Variants in CACNB2 observed in about 807,000 individuals in gnomAD.
The protein encoded by CACNB2 is calcium voltage-gated channel auxiliary subunit beta 2, also known as voltage-dependent L-type calcium channel subunit beta-2.
In CACNB2, 42 loss-of-function variants were observed where a neutral mutation model predicts 73.3. The observed-to-expected ratio is 0.57, with a 90% confidence interval of 0.45 to 0.74. The LOEUF is 0.74. CACNB2 is among the 30% of genes least tolerant of loss of function. CACNB2 has a pLI of 0.00. For missense variants in CACNB2, 940 were observed against 853.0 expected, an observed-to-expected ratio of 1.10 and a Z score of -1.27; for synonymous variants, 348 against 310.3, an observed-to-expected ratio of 1.12 and a Z score of -1.28.
intron 12 of CACNB2, among the ~76,000 whole-genome samples, chr10:18,537,006 G>A (rs2053668994): frequency 6.6e-6 from 1 of 152,026 alleles, no homozygotes; most frequent in Non-Finnish European, 1.5e-5. Context: ...AGTTTTGGAG[G>A]CAGGGTCTTG....
intron 3 of CACNB2, among the ~76,000 whole-genome samples, chr10:18,481,217 TATATATATATATA>T (rs1218551080): frequency 7.4e-4 from 10 of 13,492 alleles, no homozygotes; most frequent in African/African-American, 2.1e-3. Flanking sequence ...TATATATATA[TATATATATATATA>T]TTTTTTTTTT....
chr10:18,211,823 T>G (rs2035328305), intron 2 of CACNB2, among the ~76,000 whole-genome samples: 1 of 151,724 alleles, frequency 6.6e-6, no homozygotes, highest in Non-Finnish European at 1.5e-5. Context: ...CACAATTCAC[T>G]TATCACATTT....
At chr10:18,178,376 T>C (rs1206089792) in intron 2 of CACNB2, among the ~76,000 whole-genome samples, 2 of 152,208 alleles carry the variant, frequency 1.3e-5, no homozygotes. Context: ...TCAGATTCCT[T>C]CTCATTCAAG....
Position 18,378,123 on chromosome 10 carries a change from A to C in CACNB2, c.214-23801A>C, listed in dbSNP as rs1451566713. Among the ~76,000 whole-genome samples the C allele has an allele frequency of 2.0e-5, 3 of 152,142 alleles. No individual in the cohort carries two copies. The East Asian group carries it at 5.8e-4, about 29-fold the overall frequency. ...TGGGGTGTGGGCCTGGAGGCTAGGA[A>C]ACCTGAGAGGTTGAATTACAGGGAC... is the stretch of plus-strand genomic sequence containing the variant. On this transcript the variant is annotated intron_variant, in intron 2 of 13. Coordinates refer to ENST00000324631, the MANE Select transcript of CACNB2 (RefSeq NM_201596.3).
intron 2 of CACNB2, among the ~76,000 whole-genome samples, chr10:18,258,887 A>G (rs1240958008): frequency 8.7e-6 from 1 of 114,596 alleles, no homozygotes; most frequent in Non-Finnish European, 1.8e-5. Context: ...GAAAATGGTG[A>G]GGGATTTTTT....
At chr10:18,437,469 G>T (rs547354185) in intron 3 of CACNB2, among the ~76,000 whole-genome samples, 2 of 152,156 alleles carry the variant, frequency 1.3e-5, no homozygotes, top group African/African-American at 2.4e-5. Context: ...CACATATTTT[G>T]TGTGTTATAT....
intron 2 of CACNB2, among the ~76,000 whole-genome samples, chr10:18,283,789 G>T (rs2038666095): frequency 6.6e-6 from 1 of 152,088 alleles, no homozygotes; most frequent in Non-Finnish European, 1.5e-5. Context: ...TGCACATTGT[G>T]CACATGTACC....
intron 2 of CACNB2, among the ~76,000 whole-genome samples, chr10:18,260,151 C>T (rs2037472539): frequency 6.6e-6 from 1 of 152,102 alleles, no homozygotes; most frequent in Admixed American, 6.6e-5. Flanking sequence ...GCTGAATCTC[C>T]ACATGTCTTA....
chr10:18,386,196 G>A, intron 2 of CACNB2, among the ~76,000 whole-genome samples: 1 of 152,008 alleles, frequency 6.6e-6, no homozygotes, highest in East Asian at 1.9e-4. Flanking sequence ...TTTTCCATTA[G>A]CTTAAAACCG....
chr10:18,320,359 G>C (rs968801062), intron 2 of CACNB2, among the ~76,000 whole-genome samples: 10 of 152,112 alleles, frequency 6.6e-5, no homozygotes, highest in Non-Finnish European at 1.2e-4. Context: ...TGGTTTTGTG[G>C]TCTATGACAT....
At chr10:18,511,038 G>A (rs1808016135) in intron 6 of CACNB2, among the ~76,000 whole-genome samples, 1 of 152,194 alleles carries the variant, frequency 6.6e-6, no homozygotes, top group African/African-American at 2.4e-5. Flanking sequence ...TTTCCTATAT[G>A]AGCAAAGGAT....
chr10:18,444,503 T>C (rs886604647), intron 3 of CACNB2, among the ~76,000 whole-genome samples: 3 of 152,206 alleles, frequency 2.0e-5, no homozygotes, highest in African/African-American at 7.2e-5. Context: ...ATGCTTGCAA[T>C]AACTGCAAAA....
intron 2 of CACNB2, among the ~76,000 whole-genome samples, chr10:18,302,166 A>G (rs1206890256): frequency 6.6e-6 from 1 of 151,942 alleles, no homozygotes; most frequent in Admixed American, 6.6e-5. Flanking sequence ...AAATGAAATC[A>G]CTCATTTAGC....
At chr10:18,274,117 C>T (rs577418471) in intron 2 of CACNB2, among the ~76,000 whole-genome samples, 20 of 152,116 alleles carry the variant, frequency 1.3e-4, no homozygotes, top group African/African-American at 4.1e-4. Context: ...ATGTCCTGGG[C>T]GCAATGGACT....
At chr10:18,448,496 A>AG (rs1481063040) in intron 3 of CACNB2, among the ~76,000 whole-genome samples, 70 of 148,630 alleles carry the variant, frequency 4.7e-4, no homozygotes, top group Middle Eastern at 3.5e-3. Context: ...AAAAAAAAAA[A>AG]AAAAAGAAAA....
chr10:18,161,911 G>A (rs923638138), intron 2 of CACNB2, among the ~76,000 whole-genome samples: 11 of 151,890 alleles, frequency 7.2e-5, no homozygotes, highest in Non-Finnish European at 1.2e-4. Context: ...CCTGGGTGAC[G>A]GAGTGAGACT....
intron 2 of CACNB2, among the ~76,000 whole-genome samples, chr10:18,224,658 G>A (rs781041596): frequency 6.4e-4 from 97 of 152,280 alleles, no homozygotes; most frequent in Middle Eastern, 6.8e-3. Context: ...CAGAGAGTAG[G>A]AGGTTATGCT....
chr10:18,261,288 G>T, intron 2 of CACNB2: 1 of 1,551,496 alleles, frequency 6.4e-7, no homozygotes, highest in Non-Finnish European at 8.7e-7. Flanking sequence ...CTGCGGGCTG[G>T]TGCATCGCCG....
At chr10:18,402,789 G>A (rs1452843370) in intron 3 of CACNB2, among the ~76,000 whole-genome samples, 2 of 152,178 alleles carry the variant, frequency 1.3e-5, no homozygotes, top group Non-Finnish European at 2.9e-5. Flanking sequence ...TGGTTTGTGG[G>A]ATACTCAGTC....
Sources: allele counts gnomAD v4.1 joint callset (sites outside exome capture counted in the v4.1 genomes callset), GRCh38; gene constraint gnomAD v4.1.1; transcripts MANE v1.5; gene names NCBI Gene and HGNC (gene_info 2026-07-23, HGNC 2026-07-21).